ZNF248: variants seen among roughly 807,000 people sequenced by gnomAD.
ZNF248 encodes KRAB protein domain.
In ZNF248, 20 loss-of-function variants were observed where a neutral mutation model predicts 44.3. That is an observed-to-expected ratio of 0.45 (90% confidence interval 0.32 to 0.66). The LOEUF (loss-of-function observed/expected upper bound fraction) is 0.66, where lower values mean the gene tolerates loss of function less well. ZNF248 is among the 30% of genes least tolerant of loss of function. ZNF248 has a pLI of 0.04. For missense variants in ZNF248, 654 were observed against 677.0 expected, an observed-to-expected ratio of 0.97 and a Z score of 0.38; for synonymous variants, 224 against 229.0, an observed-to-expected ratio of 0.98 and a Z score of 0.20.
intron 6 of ZNF248, among the ~76,000 whole-genome samples, chr10:37,813,025 G>GA (rs75862715): frequency 0.01 from 1,098 of 108,632 alleles, 7 homozygotes; most frequent in Middle Eastern, 0.055. Context: ...ATGGCAAAAA[G>GA]AAAAAAAAAA....
intron 6 of ZNF248, among the ~76,000 whole-genome samples, chr10:37,777,543 T>A (rs1034537570): frequency 2.6e-5 from 4 of 152,098 alleles, no homozygotes; most frequent in Admixed American, 1.3e-4. Flanking sequence ...CTCTTTTTTT[T>A]TTTTTTTTCA....
downstream of ZNF248, among the ~76,000 whole-genome samples, chr10:37,827,921 A>C (rs557709940): frequency 1.3e-5 from 2 of 152,288 alleles, no homozygotes; most frequent in Middle Eastern, 3.4e-3. Flanking sequence ...CAATTCCAAA[A>C]ACAGGCTCTT....
chr10:37,847,737 A>C (rs1032460163), intron 3 of ZNF248, among the ~76,000 whole-genome samples: 4 of 151,364 alleles, frequency 2.6e-5, no homozygotes, highest in African/African-American at 9.7e-5. Context: ...TTTACAAAAA[A>C]AAATTATCTT....
rs1282191906 is a variant in ZNF248 at position 37,831,370 on chromosome 10, T to C, written c.*245A>G. On this transcript the variant is annotated 3_prime_UTR_variant, in exon 6 of 6. Transcript: ENST00000395867. ...TTATATTTGCAACAAAATTTTGGTA[T>C]CACGTCTGGAATATAACACTAAACA... is the stretch of plus-strand genomic sequence containing the variant. 6.5e-7 allele frequency: 1 copy of C among 1,547,420 alleles called. No homozygotes were observed. Among genetic ancestry groups the C allele is most frequent in the Non-Finnish European group, 8.7e-7 (1 of 1,145,406 alleles).
chr10:37,795,981 T>C (rs528177412), intron 6 of ZNF248: 2 of 152,302 alleles, frequency 1.3e-5, no homozygotes, highest in South Asian at 4.2e-4. Flanking sequence ...TCACATCTGG[T>C]GAATTTTACG....
intron 3 of ZNF248, among the ~76,000 whole-genome samples, chr10:37,854,004 G>A (rs1463025987): frequency 1.3e-5 from 2 of 152,140 alleles, no homozygotes; most frequent in African/African-American, 4.8e-5. Context: ...AGAACACAAG[G>A]AGAAGAAAGC....
chr10:37,835,157 A>C (rs2056866938), intron 5 of ZNF248, among the ~76,000 whole-genome samples: 1 of 151,238 alleles, frequency 6.6e-6, no homozygotes, highest in East Asian at 1.9e-4. Flanking sequence ...CCAACTAGGA[A>C]TTAGAAATTA....
chr10:37,770,635 A>C, the ZNF248 span, among the ~76,000 whole-genome samples: 2 of 152,180 alleles, frequency 1.3e-5, no homozygotes, highest in African/African-American at 4.8e-5. Flanking sequence ...GATGGATTAA[A>C]GACTTACATG....
At chr10:37,790,922 T>TA (rs372371285) in intron 6 of ZNF248, among the ~76,000 whole-genome samples, 11,463 of 127,632 alleles carry the variant, frequency 0.09, 593 homozygotes, top group African/African-American at 0.14. Flanking sequence ...CCCATTATCT[T>TA]AAAAAAAAAA....
downstream of ZNF248, among the ~76,000 whole-genome samples, chr10:37,825,897 GA>G (rs34044220): frequency 1.0e-3 from 145 of 140,628 alleles, no homozygotes; most frequent in Middle Eastern, 3.6e-3. Context: ...GTCTGCAGGT[GA>G]AAAAAAAAAA....
At chr10:37,828,595 G>C (rs1321926969), downstream of ZNF248, among the ~76,000 whole-genome samples, 1 of 152,194 alleles carries the variant, frequency 6.6e-6, no homozygotes, top group Non-Finnish European at 1.5e-5. Flanking sequence ...ACTCTGCAGA[G>C]CCAGGATTGG....
chr10:37,758,611 T>C, the ZNF248 span, among the ~76,000 whole-genome samples: 2 of 152,232 alleles, frequency 1.3e-5, no homozygotes, highest in Non-Finnish European at 2.9e-5. Flanking sequence ...AATGCCACAG[T>C]ACTTATTCTA....
chr10:37,769,539 A>G, the ZNF248 span, among the ~76,000 whole-genome samples: 3,096 of 152,316 alleles, frequency 0.02, 95 homozygotes, highest in African/African-American at 0.07. Flanking sequence ...TTATCTCAAT[A>G]GATGCAGAAA....
intron 6 of ZNF248, chr10:37,802,697 A>G (rs1265285270): frequency 2.0e-5 from 3 of 152,122 alleles, no homozygotes; most frequent in Non-Finnish European, 4.4e-5. Context: ...CCTCCTCAAC[A>G]TTTCCAGAAA....
chr10:37,801,013 C>T (rs1407319316), intron 6 of ZNF248, among the ~76,000 whole-genome samples: 2 of 151,916 alleles, frequency 1.3e-5, no homozygotes, highest in Non-Finnish European at 2.9e-5. Flanking sequence ...CTGCCTGCCT[C>T]GGCCTCCCAA....
intron 6 of ZNF248, chr10:37,819,780 C>T: frequency 1.3e-6 from 1 of 781,836 alleles, no homozygotes; most frequent in East Asian, 2.4e-5. Flanking sequence ...TGTTTCTGCT[C>T]ACTGGTTGCA....
intron 6 of ZNF248, among the ~76,000 whole-genome samples, chr10:37,782,445 T>C (rs1461775530): frequency 1.3e-5 from 2 of 151,938 alleles, no homozygotes; most frequent in African/African-American, 4.8e-5. Flanking sequence ...AGGAAGGATA[T>C]GAATTTTGGT....
intron 6 of ZNF248, among the ~76,000 whole-genome samples, chr10:37,786,033 A>G (rs1208458696): frequency 1.3e-5 from 2 of 152,144 alleles, no homozygotes; most frequent in Non-Finnish European, 2.9e-5. Context: ...AGGTCCCATG[A>G]GTGTTCACAC....
intron 6 of ZNF248, among the ~76,000 whole-genome samples, chr10:37,805,235 G>A (rs2050386401): frequency 1.3e-5 from 2 of 152,084 alleles, no homozygotes; most frequent in African/African-American, 2.4e-5. Context: ...TCTCCACATG[G>A]GCTGAACCTA....
Sources: gnomAD v4.1 joint callset for allele counts (sites outside exome capture counted in the v4.1 genomes callset) on GRCh38, gnomAD v4.1.1 for gene constraint, MANE v1.5 for transcripts, NCBI Gene and HGNC (gene_info 2026-07-23, HGNC 2026-07-21) for gene names.